Variants in SNX25 observed in about 807,000 individuals in gnomAD.
The protein encoded by SNX25 is sorting nexin 25, also known as sorting nexin-25.
Under a neutral mutation model 113.7 loss-of-function variants are expected in SNX25, and 62 were observed. The observed-to-expected ratio is 0.55, with a 90% CI of 0.44 to 0.67. The LOEUF (loss-of-function observed/expected upper bound fraction) is 0.67, where lower values mean the gene tolerates loss of function less well. Among genes scored for constraint, SNX25 ranks in the 30% least tolerant of loss-of-function variants. SNX25 has a pLI of 0.00. For missense variants in SNX25, 1,014 were observed against 1,161.0 expected (o/e 0.87, Z 1.84); for synonymous variants, 421 against 436.2 (o/e 0.97, Z 0.43).
intron 1 of SNX25, among the ~76,000 whole-genome samples, chr4:185,218,305 G>A (rs1323671780): frequency 1.3e-5 from 2 of 152,170 alleles, no homozygotes; most frequent in Non-Finnish European, 2.9e-5. Flanking sequence ...GGCTGGTCTC[G>A]AACTCCTGAC....
Position 185,247,295 on chromosome 4 carries a change from G to T in SNX25, c.431G>T (p.Ser144Ile). ...TGTATTTTTTTCCTTTCATTTCAGAGTCCTGTGTATGGAAACTCACATGAG... is the reference window on the plus strand; with the variant it reads ...TGTATTTTTTTCCTTTCATTTCAGATTCCTGTGTATGGAAACTCACATGAG... ...ATSAARRPPG[S>I]PVYGNSHESA... Residue 144 changes from serine to isoleucine, a missense_variant and splice_region_variant, in exon 2 of 19, where the codon AGT becomes ATT. Physicochemically the swap from Ser to Ile is moderately radical, Grantham distance 142 (BLOSUM62 -2). Transcript: ENST00000652585. 6.3e-7 allele frequency: 1 copy of T among 1,588,442 alleles called. No homozygotes were observed. The highest frequency in any genetic ancestry group is 2.3e-5 in the East Asian group (1 of 44,444).
chr4:185,368,058 G>A (rs764795829), downstream of SNX25, among the ~76,000 whole-genome samples: 6 of 152,150 alleles, frequency 3.9e-5, no homozygotes, highest in South Asian at 2.1e-4. Flanking sequence ...GGCGCCTGTG[G>A]TGCCAGCTAC....
At chr4:185,354,576 C>G (rs993051895) in intron 15 of SNX25, among the ~76,000 whole-genome samples, 9 of 152,290 alleles carry the variant, frequency 5.9e-5, no homozygotes, top group Admixed American at 5.9e-4. Flanking sequence ...AAATCCTACC[C>G]TAGTGAATCC....
rs1742338663 is a variant in SNX25, at chr4:185,234,560, T to C, written c.430-12734T>C. Among the ~76,000 whole-genome samples the C allele has an allele frequency of 4.3e-5, 3 of 70,120 alleles. 1 individual carries two copies. The highest frequency in any genetic ancestry group is 9.6e-5 in the African/African-American group (2 of 20,812). 46.0% of individuals were successfully genotyped at this position (70,120 alleles called of 152,430 possible). A position where few individuals can be genotyped will look rare whatever the true frequency, so the allele number is the denominator to read the frequency against. On this transcript the variant is annotated intron_variant, in intron 1 of 18. Coordinates refer to ENST00000652585, the MANE Select transcript of SNX25 (RefSeq NM_001378034.2). ...AGCCGGGCGTGGTGGCGGGCGCCTG[T>C]AGTCCCAGCTACTCGGGAGGCTGAG... is the stretch of plus-strand genomic sequence containing the variant.
chr4:185,227,123 T>A (rs959877961), intron 1 of SNX25, among the ~76,000 whole-genome samples: 1 of 152,360 alleles, frequency 6.6e-6, no homozygotes, highest in Non-Finnish European at 1.5e-5. Flanking sequence ...AAGTCCCTTT[T>A]TGGAGCAAGG....
chr4:185,224,039 C>T (rs1418715101), intron 1 of SNX25, among the ~76,000 whole-genome samples: 4 of 152,042 alleles, frequency 2.6e-5, no homozygotes, highest in Non-Finnish European at 5.9e-5. Context: ...CCAATTCCCC[C>T]ATTGTGTGTT....
intron 2 of SNX25, among the ~76,000 whole-genome samples, chr4:185,253,906 G>A (rs1006503359): frequency 8.5e-5 from 13 of 152,308 alleles, no homozygotes; most frequent in Non-Finnish European, 1.6e-4. Context: ...TCATGACAGC[G>A]GAAGATACTG....
chr4:185,297,600 G>A (rs1753007082), intron 6 of SNX25, among the ~76,000 whole-genome samples: 1 of 152,162 alleles, frequency 6.6e-6, no homozygotes, highest in Admixed American at 6.5e-5. Context: ...AGACTGGGTG[G>A]CTTAAACAAC....
At chr4:185,204,354 G>A (rs1404119426) in exon 1 of SNX25, 1 of 152,220 alleles carries the variant, frequency 6.6e-6, no homozygotes, top group African/African-American at 2.4e-5. Flanking sequence ...AAAGAACGGC[G>A]GCTGTGTGTT....
chr4:185,220,688 G>C (rs951921735), intron 1 of SNX25, among the ~76,000 whole-genome samples: 13 of 151,872 alleles, frequency 8.6e-5, no homozygotes, highest in South Asian at 2.1e-4. Context: ...CACCATGTTA[G>C]CCAGGATGGT....
At chr4:185,226,939 A>G (rs1288874944) in intron 1 of SNX25, among the ~76,000 whole-genome samples, 1 of 152,202 alleles carries the variant, frequency 6.6e-6, no homozygotes, top group Non-Finnish European at 1.5e-5. Flanking sequence ...TACACAGTCC[A>G]GAGAGAGGAC....
At chr4:185,243,271 G>A (rs1744338463) in intron 1 of SNX25, among the ~76,000 whole-genome samples, 1 of 152,148 alleles carries the variant, frequency 6.6e-6, no homozygotes, top group African/African-American at 2.4e-5. Context: ...ATAATGTTGT[G>A]CAACCATTGC....
intron 1 of SNX25, among the ~76,000 whole-genome samples, chr4:185,240,805 G>T (rs1264867706): frequency 6.6e-6 from 1 of 150,498 alleles, no homozygotes; most frequent in African/African-American, 2.4e-5. Context: ...CTCAGACGGG[G>T]CGGTTGCCAG....
intron 7 of SNX25, among the ~76,000 whole-genome samples, 168 bp from the exon 8 acceptor site, chr4:185,320,565 T>C (rs533150967): frequency 6.6e-6 from 1 of 151,774 alleles, no homozygotes; most frequent in South Asian, 2.1e-4. Context: ...AACAAACCTG[T>C]ACATTTACTT....
At chr4:185,240,075 G>A (rs1743469472) in intron 1 of SNX25, among the ~76,000 whole-genome samples, 2 of 151,650 alleles carry the variant, frequency 1.3e-5, no homozygotes, top group Admixed American at 6.6e-5. Context: ...GAGAGCACAG[G>A]GTTGGGGGTA....
At chr4:185,277,974 C>A (rs552876234) in intron 5 of SNX25, among the ~76,000 whole-genome samples, 1 of 141,846 alleles carries the variant, frequency 7.0e-6, no homozygotes, top group Non-Finnish European at 1.5e-5. Flanking sequence ...CCTCGTGATC[C>A]GCCCGCCTCG....
At position 185,209,867 on chromosome 4, in the gene SNX25, G is replaced by T; in HGVS notation, c.41G>T (p.Ser14Ile). 1 of 983,284 alleles carries T rather than the reference G, an allele frequency of 1.0e-6. No homozygotes were observed. The highest frequency in any genetic ancestry group is 1.2e-6 in the Non-Finnish European group (1 of 829,186). The allele number at this position is 983,284 out of a possible 1,614,324, so 60.9% of individuals were successfully genotyped here. Residue 14 changes from serine to isoleucine, a missense_variant, in exon 1 of 19, where the codon AGC becomes ATC. By Grantham distance (142) the Ser-to-Ile change is moderately radical. Transcript: ENST00000652585. This position sits in a 1 kb window ranked among gnomAD's most constrained non-coding sequence, Gnocchi z 5.2. Reference sequence around the variant, plus strand: ...ACCGACAGTGGCGGCGCCGGCCCCAGCCCCGCGCGGGCCGCAGGCGCCGGC... The same window carrying T: ...ACCGACAGTGGCGGCGCCGGCCCCATCCCCGCGCGGGCCGCAGGCGCCGGC... ...DATDSGGAGPSPARAAGAGGR... is the reference protein window; with the variant it reads ...DATDSGGAGPIPARAAGAGGR...
intron 7 of SNX25, among the ~76,000 whole-genome samples, chr4:185,320,307 T>C (rs2095109621): frequency 6.6e-6 from 1 of 152,116 alleles, no homozygotes; most frequent in Admixed American, 6.6e-5. Flanking sequence ...CAAAAAGGAA[T>C]GAGATCATGT....
intron 6 of SNX25, among the ~76,000 whole-genome samples, chr4:185,289,589 A>G (rs1419025837): frequency 6.6e-6 from 1 of 152,128 alleles, no homozygotes; most frequent in Non-Finnish European, 1.5e-5. Context: ...AGGACTTGGG[A>G]TTTTACTCTG....
Sources: gnomAD v4.1 joint callset for allele counts (sites outside exome capture counted in the v4.1 genomes callset) on GRCh38, gnomAD v4.1.1 for gene constraint, Gnocchi (gnomAD v3.1) non-coding constraint, MANE v1.5 for transcripts, NCBI Gene and HGNC (gene_info 2026-07-23, HGNC 2026-07-21) for gene names.